The following RGPD8 variants were observed in gnomAD, a reference collection of about 807,000 sequenced individuals.
The protein encoded by RGPD8 is RANBP2-like and GRIP domain-containing protein 8.
RGPD8 carries 15 observed loss-of-function variants against 89.1 expected under a neutral mutation model. The ratio of observed to expected loss-of-function variants is 0.17; its 90% confidence interval spans 0.11 to 0.26. RGPD8 has a LOEUF of 0.26. Among genes scored for constraint, RGPD8 ranks in the 10% least tolerant of loss-of-function variants. The probability of loss-of-function intolerance (pLI) is 1.00; values close to 1 mark genes in which losing one functional copy is unlikely to be tolerated. For missense variants in RGPD8, 178 were observed against 1,179.6 expected (o/e 0.15, Z 12.44); for synonymous variants, 62 against 420.9 (o/e 0.15, Z 10.44).
At chr2:112,370,813 AC>A (rs1677944591) in intron 22 of RGPD8, among the ~76,000 whole-genome samples, 2 of 150,108 alleles carry the variant, frequency 1.3e-5, no homozygotes, top group African/African-American at 4.9e-5. Flanking sequence ...CTAGAACTTA[AC>A]CTTTAAATGG....
intron 1 of RGPD8, among the ~76,000 whole-genome samples, chr2:112,432,809 C>T (rs1381844156): frequency 2.0e-5 from 3 of 152,212 alleles, no homozygotes; most frequent in African/African-American, 7.2e-5. Context: ...AAAGGTCTCC[C>T]GCCCGCCGCG....
chr2:112,402,968 G>A (rs1358994492), intron 9 of RGPD8, among the ~76,000 whole-genome samples: 8 of 794 alleles, frequency 0.01, no homozygotes, highest in Non-Finnish European at 0.021. Flanking sequence ...TCGCTCTGTC[G>A]CCCAGGCTGT....
At chr2:112,432,018 T>C (rs1680063309) in intron 1 of RGPD8, among the ~76,000 whole-genome samples, 1 of 152,178 alleles carries the variant, frequency 6.6e-6, no homozygotes, top group Admixed American at 6.5e-5. Context: ...AACCTAAATG[T>C]TTAAAATGGA....
At chr2:112,424,382 C>T (rs1178808721) in intron 1 of RGPD8, 75 bp from the exon 2 acceptor site, 1 of 1,392,002 alleles carries the variant, frequency 7.2e-7, no homozygotes, top group Non-Finnish European at 9.9e-7. Context: ...GTAGTTAAAG[C>T]CTGACAAATG....
intron 1 of RGPD8, among the ~76,000 whole-genome samples, chr2:112,430,454 GA>G (rs58259625): frequency 6.6e-4 from 100 of 151,826 alleles, no homozygotes; most frequent in African/African-American, 8.9e-4. Context: ...ATTTGGGGGG[GA>G]AAAAAAGACT....
intron 1 of RGPD8, 149 bp downstream of exon 1, chr2:112,433,233 G>A (rs1574032279): frequency 2.2e-6 from 2 of 902,590 alleles, no homozygotes; most frequent in East Asian, 6.5e-5. Context: ...GCCGGGCCGG[G>A]TGGAGGCCGC....
At chr2:112,431,877 C>G (rs1680056938) in intron 1 of RGPD8, among the ~76,000 whole-genome samples, 2 of 152,158 alleles carry the variant, frequency 1.3e-5, no homozygotes, top group Admixed American at 1.3e-4. Context: ...TGACCTCAGG[C>G]AATCCGCCCT....
At chr2:112,427,975 TA>T (rs1382839460) in intron 1 of RGPD8, among the ~76,000 whole-genome samples, 181 of 149,068 alleles carry the variant, frequency 1.2e-3, no homozygotes, top group Admixed American at 8.8e-3. Context: ...TAAACATCAT[TA>T]AAAAAAAGGG....
At chr2:112,410,852 G>A (rs1382674111) in intron 7 of RGPD8, among the ~76,000 whole-genome samples, 9 of 152,378 alleles carry the variant, frequency 5.9e-5, no homozygotes, top group East Asian at 1.9e-4. Context: ...TTGAGAGGCC[G>A]AGACGCGCAG....
chr2:112,380,997 A>G (rs1678283600), intron 20 of RGPD8, 34 bp from the exon 21 acceptor site: 2 of 705,602 alleles, frequency 2.8e-6, no homozygotes, highest in Non-Finnish European at 4.5e-6. Flanking sequence ...TAATTTTCAA[A>G]ATCATACATT....
chr2:112,430,576 G>A (rs1679984908), intron 1 of RGPD8, among the ~76,000 whole-genome samples: 1 of 151,560 alleles, frequency 6.6e-6, no homozygotes, highest in Non-Finnish European at 1.5e-5. Context: ...CTTCTGTCTA[G>A]ACCAGTGGTT....
chr2:112,414,192 T>C (rs1679293251), intron 6 of RGPD8, among the ~76,000 whole-genome samples: 1 of 142,060 alleles, frequency 7.0e-6, no homozygotes, highest in South Asian at 2.2e-4. Flanking sequence ...AATGCTATTA[T>C]TGGCCCTGCG....
At chr2:112,429,415 C>CAAAAAAAAAAAAA (rs71412832) in intron 1 of RGPD8, among the ~76,000 whole-genome samples, 2 of 45,754 alleles carry the variant, frequency 4.4e-5, no homozygotes, top group African/African-American at 9.9e-5. Context: ...GACTCCGTCT[C>CAAAAAAAAAAAAA]AAAAAAAAAA....
chr2:112,408,773 G>C (rs1309657651), intron 7 of RGPD8, among the ~76,000 whole-genome samples: 5 of 151,724 alleles, frequency 3.3e-5, no homozygotes, highest in Non-Finnish European at 7.4e-5. Flanking sequence ...CTGGTTTCAA[G>C]CAATTCTCCT....
At position 112,387,857 on chromosome 2, in the gene RGPD8, A is replaced by G. The variant is rs1678517460; in HGVS notation, c.4921+167T>C. On this transcript the variant is annotated intron_variant, in intron 20 of 22. Coordinates refer to ENST00000302558, the MANE Select transcript of RGPD8 (RefSeq NM_001164463.1). ...TAACTAAGTTCTCTTGCTCTTTGAA[A>G]CCTCACCGAGAACTTATTAAGGGAG... is the stretch of plus-strand genomic sequence containing the variant. Among the ~76,000 whole-genome samples, 2 of 145,268 alleles carry G rather than the reference A, an allele frequency of 1.4e-5. 1 individual carries two copies.
At chr2:112,374,320 GTCTT>G (rs1429153597) in intron 22 of RGPD8, among the ~76,000 whole-genome samples, 3 of 152,136 alleles carry the variant, frequency 2.0e-5, no homozygotes, top group Non-Finnish European at 2.9e-5. Flanking sequence ...TCCTTTGCAT[GTCTT>G]TCTTTCTGGC....
chr2:112,433,302 T>C (rs1382226271), intron 1 of RGPD8, 80 bp downstream of exon 1: 1 of 1,472,716 alleles, frequency 6.8e-7, no homozygotes, highest in Admixed American at 2.4e-5. Context: ...CCCTGACCCA[T>C]CGAGGCCGCC....
intron 2 of RGPD8, 61 bp downstream of exon 2, chr2:112,424,179 A>G (rs1313195021): frequency 6.5e-7 from 1 of 1,535,332 alleles, no homozygotes; most frequent in African/African-American, 1.4e-5. Context: ...TATTTCAAAG[A>G]AGAAAATGAG....
intron 6 of RGPD8, among the ~76,000 whole-genome samples, chr2:112,416,947 TA>T (rs1195204277): frequency 7.1e-6 from 1 of 141,698 alleles, no homozygotes; most frequent in African/African-American, 2.9e-5. Flanking sequence ...TGAGTAACCA[TA>T]AGGCTAATTT....
Sources: allele counts gnomAD v4.1 joint callset (sites outside exome capture counted in the v4.1 genomes callset), GRCh38; gene constraint gnomAD v4.1.1; transcripts MANE v1.5; gene names NCBI Gene and HGNC (gene_info 2026-07-23, HGNC 2026-07-21).